The following PCED1B variants were observed in gnomAD, a reference collection of about 807,000 sequenced individuals.
The protein encoded by PCED1B is PC-esterase domain-containing protein 1B.
For synonymous variants in PCED1B, 251 were observed against 246.1 expected, an observed-to-expected ratio of 1.02 and a Z score of -0.19; for missense variants, 573 against 573.9, an observed-to-expected ratio of 1.00 and a Z score of 0.02.
At chr12:47,177,112 T>C (rs11608610) in intron 2 of PCED1B, among the ~76,000 whole-genome samples, 43,245 of 151,982 alleles carry the variant, frequency 0.28, 6,576 homozygotes, top group East Asian at 0.56. Flanking sequence ...CAGGAGTGAG[T>C]AGCTTAGGCT....
At chr12:47,098,375 T>C (rs1244098660) in intron 1 of PCED1B, among the ~76,000 whole-genome samples, 1 of 152,200 alleles carries the variant, frequency 6.6e-6, no homozygotes, top group Non-Finnish European at 1.5e-5. Flanking sequence ...AAGAGCAAGA[T>C]TATAAATAGA....
chr12:47,159,875 T>C (rs759391264), intron 2 of PCED1B, among the ~76,000 whole-genome samples: 17 of 152,222 alleles, frequency 1.1e-4, no homozygotes, highest in Non-Finnish European at 2.1e-4. Flanking sequence ...TTTCGGATCT[T>C]ATGTTTAAGT....
intron 3 of PCED1B, chr12:47,223,665 C>T (rs1565612231): frequency 1.3e-5 from 2 of 152,304 alleles, no homozygotes; most frequent in Non-Finnish European, 2.9e-5. Context: ...AGCTTTACGC[C>T]TAAGGAGGTA....
intron 2 of PCED1B, among the ~76,000 whole-genome samples, chr12:47,175,748 T>C (rs1163867214): frequency 6.6e-6 from 1 of 151,736 alleles, no homozygotes; most frequent in African/African-American, 2.4e-5. Context: ...TAATTTTGTA[T>C]ATTAGTAGAG....
chr12:47,156,385 CTGATAGAAAG>C (rs1347566425), intron 2 of PCED1B, among the ~76,000 whole-genome samples: 1 of 152,154 alleles, frequency 6.6e-6, no homozygotes, highest in East Asian at 1.9e-4. Flanking sequence ...CACTGCAAAG[CTGATAGAAAG>C]ATTTTCATTT....
intron 2 of PCED1B, among the ~76,000 whole-genome samples, chr12:47,160,394 G>T (rs1001530660): frequency 1.4e-5 from 2 of 144,312 alleles, no homozygotes; most frequent in African/African-American, 5.2e-5. Context: ...CGAACACTTG[G>T]CCTCAAGCAC....
intron 2 of PCED1B, among the ~76,000 whole-genome samples, chr12:47,146,929 T>C (rs1037390103): frequency 5.3e-5 from 8 of 152,082 alleles, no homozygotes; most frequent in African/African-American, 1.9e-4. Context: ...CTGTATGCAG[T>C]TTAAAGTAGC....
intron 2 of PCED1B, among the ~76,000 whole-genome samples, chr12:47,144,883 A>G (rs1189270325): frequency 6.6e-6 from 1 of 152,198 alleles, no homozygotes; most frequent in African/African-American, 2.4e-5. Flanking sequence ...AATTAGGTCA[A>G]TTAATAATTC....
intron 2 of PCED1B, among the ~76,000 whole-genome samples, chr12:47,154,709 G>T (rs1037687585): frequency 1.3e-5 from 2 of 151,754 alleles, no homozygotes; most frequent in Non-Finnish European, 2.9e-5. Flanking sequence ...TAGAGCTCTA[G>T]TTCTGGGGAT....
At chr12:47,205,698 GGAAA>G (rs934999658) in intron 2 of PCED1B, among the ~76,000 whole-genome samples, 3 of 151,008 alleles carry the variant, frequency 2.0e-5, no homozygotes, top group African/African-American at 7.3e-5. Context: ...ATGAATAGGA[GGAAA>G]GAAAGAGAGG....
chr12:47,122,026 C>CA (rs61540740), intron 2 of PCED1B, among the ~76,000 whole-genome samples: 2,664 of 103,562 alleles, frequency 0.026, 38 homozygotes, highest in Non-Finnish European at 0.037. Context: ...GACTCCATCT[C>CA]AAAAAAAAAA....
At chr12:47,108,311 C>G (rs1045298935) in intron 2 of PCED1B, among the ~76,000 whole-genome samples, 1 of 152,122 alleles carries the variant, frequency 6.6e-6, no homozygotes, top group Non-Finnish European at 1.5e-5. Context: ...TGCCCATGCT[C>G]ACCACACACA....
At chr12:47,165,931 A>T (rs1421016270) in intron 2 of PCED1B, among the ~76,000 whole-genome samples, 1 of 152,208 alleles carries the variant, frequency 6.6e-6, no homozygotes, top group East Asian at 1.9e-4. Context: ...TATTAAAATC[A>T]TTACTGTAGT....
intron 2 of PCED1B, among the ~76,000 whole-genome samples, chr12:47,176,872 A>G (rs1345144233): frequency 6.6e-6 from 1 of 152,042 alleles, no homozygotes; most frequent in Non-Finnish European, 1.5e-5. Flanking sequence ...AAAAAAACCC[A>G]CTAATGTATT....
intron 2 of PCED1B, among the ~76,000 whole-genome samples, chr12:47,186,269 A>G (rs1942263301): frequency 6.7e-6 from 1 of 149,514 alleles, no homozygotes. Flanking sequence ...TGAGCAAAGA[A>G]CAATAATTTT....
chr12:47,106,436 G>A (rs985541697), intron 2 of PCED1B, among the ~76,000 whole-genome samples: 3 of 152,134 alleles, frequency 2.0e-5, no homozygotes, highest in Non-Finnish European at 4.4e-5. Context: ...GGGAAGAAAA[G>A]TGGGTGCCTA....
chr12:47,157,135 T>C (rs1369893282), intron 2 of PCED1B, among the ~76,000 whole-genome samples: 1 of 152,112 alleles, frequency 6.6e-6, no homozygotes. Context: ...TAACACAGTA[T>C]GGTTAGACTG....
At chr12:47,083,586 A>G (rs1169089701) in intron 1 of PCED1B, among the ~76,000 whole-genome samples, 1 of 152,092 alleles carries the variant, frequency 6.6e-6, no homozygotes, top group Non-Finnish European at 1.5e-5. Context: ...GTTTTTGTAA[A>G]TTGCCTAAGA....
intron 2 of PCED1B, among the ~76,000 whole-genome samples, chr12:47,140,573 C>T (rs1005757086): frequency 6.6e-6 from 1 of 152,170 alleles, no homozygotes; most frequent in Non-Finnish European, 1.5e-5. Context: ...GATATACTGT[C>T]TCCATTTTGA....
Sources: allele counts gnomAD v4.1 joint callset (sites outside exome capture counted in the v4.1 genomes callset), GRCh38; gene constraint gnomAD v4.1.1; transcripts MANE v1.5; gene names NCBI Gene and HGNC (gene_info 2026-07-23, HGNC 2026-07-21).